Variants in ATP11A observed in about 807,000 individuals in gnomAD.
ATP11A encodes phospholipid-transporting ATPase IH.
In ATP11A, 81 loss-of-function variants were observed where a neutral mutation model predicts 154.4. That is an observed-to-expected ratio of 0.52 (90% CI 0.44 to 0.63). The LOEUF (loss-of-function observed/expected upper bound fraction) is 0.63. Ranked by LOEUF, ATP11A falls within the 30% of genes least tolerant of loss-of-function variation. The probability of loss-of-function intolerance (pLI) is 0.00; values close to 1 mark genes in which losing one functional copy is unlikely to be tolerated. For synonymous variants in ATP11A, 623 were observed against 585.9 expected, an observed-to-expected ratio of 1.06 and a Z score of -0.91; for missense variants, 1,316 against 1,474.3, an observed-to-expected ratio of 0.89 and a Z score of 1.76.
intron 1 of ATP11A, among the ~76,000 whole-genome samples, chr13:112,764,177 A>G (rs1035811136): frequency 6.6e-6 from 1 of 152,144 alleles, no homozygotes; most frequent in Admixed American, 6.5e-5. Context: ...GGGGTGATGG[A>G]ACCCTGACCC....
chr13:112,791,282 C>T (rs886385977), intron 2 of ATP11A, among the ~76,000 whole-genome samples: 4 of 152,238 alleles, frequency 2.6e-5, no homozygotes, highest in African/African-American at 9.6e-5. Flanking sequence ...CGTGTGGAAC[C>T]GCGGCGCCCC....
At chr13:112,710,539 T>C (rs1306589253) in intron 1 of ATP11A, among the ~76,000 whole-genome samples, 1 of 152,204 alleles carries the variant, frequency 6.6e-6, no homozygotes, top group African/African-American at 2.4e-5. Context: ...GGAAGGAGCC[T>C]GCGGGAGAAG....
In ATP11A at chr13:112,822,344, A is replaced by T. The variant is rs1266898033; in HGVS notation, c.726-1001A>T. Reference sequence around the variant, plus strand: ...ATGGCAGAGACCCTGCCTGCTGCTTATGTGGCTTCAGTGCACAGAACGGGG... The same window carrying T: ...ATGGCAGAGACCCTGCCTGCTGCTTTTGTGGCTTCAGTGCACAGAACGGGG... On this transcript the variant is annotated intron_variant, in intron 8 of 29. Transcript: ENST00000375645. 3.3e-5 allele frequency among the ~76,000 whole-genome samples: 5 copies of T among 152,200 alleles called. No homozygotes were observed. The East Asian group carries it at 9.6e-4, about 29-fold the overall frequency.
At chr13:112,729,592 T>C (rs1228958884) in intron 1 of ATP11A, among the ~76,000 whole-genome samples, 1 of 152,196 alleles carries the variant, frequency 6.6e-6, no homozygotes, top group African/African-American at 2.4e-5. Context: ...TGGAAGGCAC[T>C]GAGGCAGCAC....
At chr13:112,757,386 C>T (rs1411050444) in intron 1 of ATP11A, among the ~76,000 whole-genome samples, 2 of 152,238 alleles carry the variant, frequency 1.3e-5, no homozygotes, top group African/African-American at 2.4e-5. Context: ...ACTTGTTTTC[C>T]GAGTCTCTTA....
intron 1 of ATP11A, among the ~76,000 whole-genome samples, chr13:112,693,546 C>T (rs1885441752): frequency 2.0e-5 from 3 of 151,436 alleles, no homozygotes; most frequent in South Asian, 2.1e-4. Flanking sequence ...GCGTGTGTGC[C>T]GTGGACTGGC....
intron 1 of ATP11A, among the ~76,000 whole-genome samples, chr13:112,716,225 C>T (rs958895125): frequency 6.6e-5 from 10 of 152,200 alleles, no homozygotes; most frequent in Non-Finnish European, 1.0e-4. Context: ...GGGGCCAAGT[C>T]CCTAGGCCCC....
chr13:112,722,245 A>G (rs997508200), intron 1 of ATP11A, among the ~76,000 whole-genome samples: 9 of 126,450 alleles, frequency 7.1e-5, no homozygotes, highest in Admixed American at 5.8e-4. Context: ...TTGCCCAGAA[A>G]TGCAGGACAG....
In ATP11A at chr13:112,752,342, G is replaced by A. The variant is rs868441211; in HGVS notation, c.40-32793G>A. ...TGCTGCAGTCAGGAAGGCCTCCTGC[G>A]AGGACCTGTTTGAGCACAGGAGTGA... On this transcript the variant is annotated intron_variant, in intron 1 of 29. Transcript: ENST00000375645. Among the ~76,000 whole-genome samples, 13 of 152,202 alleles carry A rather than the reference G, an allele frequency of 8.5e-5. No homozygotes were observed. In the South Asian group the frequency reaches 2.1e-3, roughly 24 times the overall value.
At chr13:112,692,516 C>T (rs1310814759) in intron 1 of ATP11A, among the ~76,000 whole-genome samples, 4 of 152,210 alleles carry the variant, frequency 2.6e-5, no homozygotes, top group Non-Finnish European at 2.9e-5. Context: ...GTTTGCGTAG[C>T]TTGCATTTTT....
intron 1 of ATP11A, among the ~76,000 whole-genome samples, chr13:112,706,520 T>C (rs1022865216): frequency 6.6e-6 from 1 of 152,262 alleles, no homozygotes; most frequent in Non-Finnish European, 1.5e-5. Context: ...TCGGTTCTGC[T>C]AATTGCTTGG....
chr13:112,707,366 G>C lies in ATP11A; in HGVS notation c.39+16911G>C, dbSNP rs1351278762. Among the ~76,000 whole-genome samples the C allele has an allele frequency of 1.0e-4, 15 of 144,940 alleles. No individual in the cohort carries two copies. In the South Asian group the frequency reaches 1.7e-3, roughly 17 times the overall value. On this transcript the variant is annotated intron_variant, in intron 1 of 29. Coordinates refer to ENST00000375645, the MANE Select transcript of ATP11A (RefSeq NM_015205.3). ...GGAGACAGAGGTTGCAGTGAGCTAAGATCACACCATTGCACTCCAGCCTGG... is the reference window on the plus strand; with the variant it reads ...GGAGACAGAGGTTGCAGTGAGCTAACATCACACCATTGCACTCCAGCCTGG...
Position 112,883,111 on chromosome 13 carries a change from TCCCCTCGTCTC to T in ATP11A, c.*1247_*1257del. On this transcript the variant is annotated 3_prime_UTR_variant, in exon 30 of 30. Coordinates refer to ENST00000375645, the MANE Select transcript of ATP11A (RefSeq NM_015205.3). Reference sequence around the variant, plus strand: ...CTTGTCCTGTCACCTCGTCCCCACGTCCCCTCGTCTCCTCATCCCCACGTCCTCTCGTCCCC... The same window carrying T: ...CTTGTCCTGTCACCTCGTCCCCACGTCTCATCCCCACGTCCTCTCGTCCCC... 4.1e-6 allele frequency: 1 copy of T among 241,652 alleles called. No individual in the cohort carries two copies. The highest frequency in any genetic ancestry group is 5.6e-5 in the African/African-American group (1 of 17,820). 15.0% of individuals were successfully genotyped at this position (241,652 alleles called of 1,614,324 possible).
chr13:112,835,599 G>A (rs1307966084), intron 15 of ATP11A, among the ~76,000 whole-genome samples: 1 of 152,208 alleles, frequency 6.6e-6, no homozygotes, highest in African/African-American at 2.4e-5. Context: ...CTGGCTCTGA[G>A]CTGGGCTGGC....
At position 112,697,561 on chromosome 13, in the gene ATP11A, T is replaced by C. The variant is rs1364383437; in HGVS notation, c.39+7106T>C. On this transcript the variant is annotated intron_variant, in intron 1 of 29. Coordinates refer to ENST00000375645, the MANE Select transcript of ATP11A (RefSeq NM_015205.3). This position sits in a 1 kb window ranked among gnomAD's most constrained non-coding sequence, Gnocchi z 4.0. ...GCCTCCTCATAGTTTTAAAACTCTT[T>C]ATTTTATTTTTATTTTTTATTTTTG... Among the ~76,000 whole-genome samples the C allele has an allele frequency of 1.3e-5, 2 of 152,034 alleles. No individual in the cohort carries two copies. The highest frequency in any genetic ancestry group is 2.9e-5 in the Non-Finnish European group (2 of 68,008).
intron 1 of ATP11A, among the ~76,000 whole-genome samples, chr13:112,705,643 G>A (rs989537173): frequency 6.6e-6 from 1 of 152,232 alleles, no homozygotes; most frequent in Non-Finnish European, 1.5e-5. Flanking sequence ...CCCCCCAGGA[G>A]GGATGAGCAG....
intron 1 of ATP11A, among the ~76,000 whole-genome samples, chr13:112,733,738 AAT>A (rs1481644656): frequency 6.6e-6 from 1 of 152,188 alleles, no homozygotes; most frequent in Non-Finnish European, 1.5e-5. Flanking sequence ...GGGGAAAAAT[AAT>A]ATATTTAAAA....
intron 4 of ATP11A, among the ~76,000 whole-genome samples, chr13:112,809,862 C>G (rs1260397262): frequency 6.6e-6 from 1 of 152,224 alleles, no homozygotes; most frequent in African/African-American, 2.4e-5. Context: ...GACTGTCCAA[C>G]CAGAGGGTGT....
chr13:112,879,055 G>A (rs2080811242), intron 29 of ATP11A, among the ~76,000 whole-genome samples: 1 of 152,260 alleles, frequency 6.6e-6, no homozygotes, highest in Admixed American at 6.5e-5. Flanking sequence ...TCCATGATAA[G>A]AGCCGAGATT....
Sources: gnomAD v4.1 joint callset for allele counts (sites outside exome capture counted in the v4.1 genomes callset) on GRCh38, gnomAD v4.1.1 for gene constraint, Gnocchi (gnomAD v3.1) non-coding constraint, MANE v1.5 for transcripts, NCBI Gene and HGNC (gene_info 2026-07-23, HGNC 2026-07-21) for gene names.